Variants in MAPK10 observed in about 807,000 individuals in gnomAD.
MAPK10 encodes the protein JNK3 alpha protein kinase.
MAPK10 carries 25 observed loss-of-function variants against 59.3 expected under a neutral mutation model. The observed-to-expected ratio is 0.42, with a 90% CI of 0.31 to 0.59. The LOEUF is 0.59. Among genes scored for constraint, MAPK10 ranks in the 20% least tolerant of loss-of-function variants. The probability of loss-of-function intolerance (pLI) is 0.15; values close to 1 mark genes in which losing one functional copy is unlikely to be tolerated. For synonymous variants in MAPK10, 190 were observed against 200.5 expected (o/e 0.95, Z 0.44); for missense variants, 351 against 568.9 (o/e 0.62, Z 3.90).
intron 2 of MAPK10, among the ~76,000 whole-genome samples, chr4:86,201,654 C>A (rs2082647505): frequency 6.6e-6 from 1 of 151,714 alleles, no homozygotes; most frequent in African/African-American, 2.4e-5. Flanking sequence ...GCATATTCAG[C>A]TTATTAATGT....
intron 4 of MAPK10, among the ~76,000 whole-genome samples, chr4:86,133,099 T>C (rs2061307385): frequency 6.6e-6 from 1 of 152,138 alleles, no homozygotes; most frequent in African/African-American, 2.4e-5. Flanking sequence ...TTATCAGTAA[T>C]GAATTGTGAA....
intron 2 of MAPK10, among the ~76,000 whole-genome samples, chr4:86,285,223 CT>C (rs535093991): frequency 8.0e-4 from 116 of 145,488 alleles, no homozygotes; most frequent in South Asian, 2.0e-3. Flanking sequence ...CTAAATGACA[CT>C]TTTTTTTTTT....
intron 1 of MAPK10, among the ~76,000 whole-genome samples, chr4:86,355,268 A>C (rs1406164752): frequency 6.6e-6 from 1 of 152,062 alleles, no homozygotes; most frequent in Non-Finnish European, 1.5e-5. Flanking sequence ...TCTAGTTTGG[A>C]AAATATGGTC....
chr4:86,251,390 T>G (rs1239683743), intron 2 of MAPK10, among the ~76,000 whole-genome samples: 1 of 151,136 alleles, frequency 6.6e-6, no homozygotes, highest in Non-Finnish European at 1.5e-5. Context: ...GTGATCTCAT[T>G]GTTCAATCCC....
intron 1 of MAPK10, among the ~76,000 whole-genome samples, chr4:86,405,365 T>A (rs1251947553): frequency 6.6e-6 from 1 of 152,192 alleles, no homozygotes; most frequent in Non-Finnish European, 1.5e-5. Context: ...ACACCTCAAA[T>A]AAGAGTTAAA....
intron 2 of MAPK10, among the ~76,000 whole-genome samples, chr4:86,298,425 A>C (rs545053272): frequency 2.5e-4 from 38 of 152,308 alleles, no homozygotes; most frequent in Middle Eastern, 6.8e-3. Flanking sequence ...TCTCATATTA[A>C]CCACCCCTGT....
At chr4:86,593,222 T>G (rs1763221868) in intron 1 of MAPK10, among the ~76,000 whole-genome samples, 1 of 152,182 alleles carries the variant, frequency 6.6e-6, no homozygotes. Context: ...TGACTTTTTT[T>G]GGGGAAGCCA....
rs140525695 is a variant in MAPK10, at chr4:86,039,244, G to A, written c.1111-7813C>T. Reference sequence around the variant, plus strand: ...ACCAGGTGAGAGATTTCAGCACCTGGGTATAGCACGGAAACAAGAAAAGAT... The same window carrying A: ...ACCAGGTGAGAGATTTCAGCACCTGAGTATAGCACGGAAACAAGAAAAGAT... On this transcript the variant is annotated intron_variant, in intron 11 of 13. Transcript: ENST00000641462. 8.7e-3 allele frequency among the ~76,000 whole-genome samples: 1,324 copies of A among 152,176 alleles called. 19 individuals carry two copies. Among genetic ancestry groups the A allele is most frequent in the African/African-American group, 0.03 (1,240 of 41,514 alleles).
intron 1 of MAPK10, among the ~76,000 whole-genome samples, chr4:86,409,292 G>C (rs1421810340): frequency 2.6e-5 from 4 of 152,130 alleles, no homozygotes; most frequent in Non-Finnish European, 2.9e-5. Flanking sequence ...ATGCTGTTTT[G>C]GTTACTGTAA....
intron 1 of MAPK10, among the ~76,000 whole-genome samples, chr4:86,423,760 G>GATATATATATATAT (rs772650050): frequency 0.012 from 1,363 of 116,784 alleles, 63 homozygotes; most frequent in Non-Finnish European, 0.015. Context: ...TAATTAGTGG[G>GATATATATATATAT]ATATATATAC....
chr4:86,253,555 G>A (rs1335950618), intron 2 of MAPK10, among the ~76,000 whole-genome samples: 1 of 41,146 alleles, frequency 2.4e-5, no homozygotes, highest in Non-Finnish European at 3.8e-5. Context: ...GCTTTTTGAT[G>A]TGCTGCTGGA....
intron 4 of MAPK10, chr4:86,125,910 C>T (rs2060002214): frequency 6.6e-6 from 1 of 152,128 alleles, no homozygotes; most frequent in East Asian, 1.9e-4. Flanking sequence ...ATTAAGATGG[C>T]TCCTTTGGCT....
At position 86,031,355 on chromosome 4, in the gene MAPK10, G is replaced by T. The variant is rs1478728290; in HGVS notation, c.1174+13C>A. On this transcript the variant is annotated intron_variant, in intron 12 of 13. Transcript: ENST00000641462. ...TAAAATAAAAAGTATACTTTTTTAAGTAGTAGACTTACCTTTCCATTCTTC... is the reference window on the plus strand; with the variant it reads ...TAAAATAAAAAGTATACTTTTTTAATTAGTAGACTTACCTTTCCATTCTTC... 3.0e-5 allele frequency: 47 copies of T among 1,570,886 alleles called. No individual in the cohort carries two copies. Among genetic ancestry groups the T allele is most frequent in the Non-Finnish European group, 3.6e-5 (41 of 1,141,438 alleles).
intron 1 of MAPK10, among the ~76,000 whole-genome samples, chr4:86,412,594 C>T (rs1345364660): frequency 1.3e-5 from 2 of 152,096 alleles, no homozygotes; most frequent in African/African-American, 2.4e-5. Context: ...AGGCTTTCTT[C>T]GTTTCTTTTC....
At chr4:86,213,508 A>G (rs2086460765) in intron 2 of MAPK10, among the ~76,000 whole-genome samples, 1 of 152,112 alleles carries the variant, frequency 6.6e-6, no homozygotes, top group South Asian at 2.1e-4. Context: ...ATCAGAAATG[A>G]AAGTGGATAT....
Position 86,101,509 on chromosome 4 carries a change from C to T in MAPK10, c.565-292G>A, listed in dbSNP as rs561624342. ...TCTTCTGTTAGGTTTCTCCTTAGGA[C>T]AACATAAATCTTTCAACATATATAT... On this transcript the variant is annotated intron_variant, in intron 7 of 13. Transcript: ENST00000641462. The T allele has an allele frequency of 9.0e-5, 35 of 387,068 alleles. 1 individual carries two copies. The highest frequency in any genetic ancestry group is 6.7e-4 in the South Asian group (17 of 25,268). 24.0% of individuals were successfully genotyped at this position (387,068 alleles called of 1,614,324 possible).
intron 2 of MAPK10, among the ~76,000 whole-genome samples, chr4:86,252,406 C>A (rs1213860161): frequency 2.7e-5 from 3 of 112,932 alleles, no homozygotes; most frequent in Non-Finnish European, 5.1e-5. Context: ...GCCAGTTTTC[C>A]CAGCACCATT....
intron 1 of MAPK10, among the ~76,000 whole-genome samples, chr4:86,568,024 T>C (rs901708202): frequency 4.6e-5 from 7 of 152,170 alleles, no homozygotes; most frequent in Non-Finnish European, 1.0e-4. Flanking sequence ...TCACTGATGA[T>C]ATAATCTTAT....
chr4:86,499,713 T>C (rs116789555), intron 1 of MAPK10, among the ~76,000 whole-genome samples: 1,526 of 152,310 alleles, frequency 0.01, 11 homozygotes, highest in Non-Finnish European at 0.016. Context: ...TTTAATTTTA[T>C]TCCAAGTAGT....
Sources: allele counts gnomAD v4.1 joint callset (sites outside exome capture counted in the v4.1 genomes callset), GRCh38; gene constraint gnomAD v4.1.1; transcripts MANE v1.5; gene names NCBI Gene and HGNC (gene_info 2026-07-23, HGNC 2026-07-21).